DLGAP3: variants seen among roughly 807,000 people sequenced by gnomAD.
DLGAP3 encodes DLG associated protein 3.
Under a neutral mutation model 81.2 loss-of-function variants are expected in DLGAP3, and 17 were observed. That is an observed-to-expected ratio of 0.21 (90% confidence interval 0.14 to 0.31). DLGAP3 has a LOEUF of 0.31. Among genes scored for constraint, DLGAP3 ranks in the 10% least tolerant of loss-of-function variants. The probability of loss-of-function intolerance (pLI) is 1.00; values close to 1 mark genes in which losing one functional copy is unlikely to be tolerated. For missense variants in DLGAP3, 1,124 were observed against 1,388.0 expected (o/e 0.81, Z 3.02); for synonymous variants, 577 against 587.4 (o/e 0.98, Z 0.26).
chr1:34,869,202 A>G, intron 8 of DLGAP3, 113 bp from the exon 9 acceptor site: 1 of 743,168 alleles, frequency 1.3e-6, no homozygotes, highest in Admixed American at 2.8e-5. Context: ...AAAGTGATGG[A>G]CATTAACCTA....
At position 34,885,165 on chromosome 1, in the gene DLGAP3, G is replaced by A; in HGVS notation, c.1915-102C>T. 5.2e-6 allele frequency: 6 copies of A among 1,144,158 alleles called. No homozygotes were observed. In the South Asian group the frequency reaches 6.4e-5, roughly 12 times the overall value. 70.9% of individuals were successfully genotyped at this position (1,144,158 alleles called of 1,614,324 possible). ...GGCTGCGCCCCAAGCCAGCTGGCAG[G>A]TCCTGCAAAGACCATCTGCCTGAAC... On this transcript the variant is annotated intron_variant, in intron 7 of 11. Coordinates refer to ENST00000373347, the MANE Select transcript of DLGAP3 (RefSeq NM_001080418.3).
At position 34,905,428 on chromosome 1, in the gene DLGAP3, G is replaced by C. The variant is rs1312511092; in HGVS notation, c.-45C>G. 6.6e-7 allele frequency: 1 copy of C among 1,513,780 alleles called. No individual in the cohort carries two copies. Among genetic ancestry groups the C allele is most frequent in the African/African-American group, 1.4e-5 (1 of 71,190 alleles). The allele number at this position is 1,513,780 out of a possible 1,614,324, so 93.8% of individuals were successfully genotyped here. A position where few individuals can be genotyped will look rare whatever the true frequency, so the allele number is the denominator to read the frequency against. On this transcript the variant is annotated 5_prime_UTR_variant, in exon 3 of 12. Transcript: ENST00000373347. ...CATAGTCTTGGGGGCCAGGCCCCAG[G>C]AACCTCCTGGAAAAATAGGGAGAAA...
chr1:34,871,954 C>T (rs1185310834), intron 8 of DLGAP3, among the ~76,000 whole-genome samples: 1 of 152,166 alleles, frequency 6.6e-6, no homozygotes, highest in Non-Finnish European at 1.5e-5. Context: ...CACCAACGCT[C>T]CTGGCCAGCA....
At chr1:34,892,561 G>A (rs1639328056) in intron 5 of DLGAP3, among the ~76,000 whole-genome samples, 1 of 152,046 alleles carries the variant, frequency 6.6e-6, no homozygotes. Flanking sequence ...TCAGTGCAGT[G>A]GCTATTCACA....
At chr1:34,875,515 A>T (rs1366761692) in intron 8 of DLGAP3, among the ~76,000 whole-genome samples, 1 of 151,766 alleles carries the variant, frequency 6.6e-6, no homozygotes, top group Non-Finnish European at 1.5e-5. Flanking sequence ...TTTGCTGTTG[A>T]TGTTGTTGGT....
intron 8 of DLGAP3, among the ~76,000 whole-genome samples, chr1:34,878,599 G>A (rs1024406514): frequency 2.0e-5 from 3 of 152,022 alleles, no homozygotes; most frequent in African/African-American, 7.2e-5. Flanking sequence ...AAAGTTACCA[G>A]GGAAAATGAC....
At chr1:34,914,446 A>G in intron 1 of DLGAP3, among the ~76,000 whole-genome samples, 1 of 152,300 alleles carries the variant, frequency 6.6e-6, no homozygotes, top group South Asian at 2.1e-4. Flanking sequence ...TTCTAGGACC[A>G]GAACTCCTCT....
rs919444315 is a variant in DLGAP3, at chr1:34,905,159, T to A, written c.225A>T (p.Gly75=). ...LSEGPSVGPE[G]GPAGAGVGGG... is the part of the protein sequence containing the mutation. ...CCCCAACCCCGGCCCCCGCTGGCCC[T>A]CCCTCAGGGCCTACCGACGGCCCCT... Residue 75 remains glycine (G), a synonymous_variant, in exon 3 of 12, where the codon GGA becomes GGT. Coordinates refer to ENST00000373347, the MANE Select transcript of DLGAP3 (RefSeq NM_001080418.3). 3 of 1,572,580 alleles carry A rather than the reference T, an allele frequency of 1.9e-6. No individual in the cohort carries two copies. The highest frequency in any genetic ancestry group is 2.6e-6 in the Non-Finnish European group (3 of 1,158,810).
chr1:34,879,468 G>A (rs1042384648), intron 8 of DLGAP3, among the ~76,000 whole-genome samples: 10 of 152,200 alleles, frequency 6.6e-5, no homozygotes, highest in Non-Finnish European at 1.2e-4. Flanking sequence ...CGCACCTCCT[G>A]CTGTGCCGCC....
Position 34,905,157 on chromosome 1 carries a change from C to G in DLGAP3, c.227G>C (p.Gly76Ala), listed in dbSNP as rs1476890521. ...CCCCCCAACCCCGGCCCCCGCTGGC[C>G]CTCCCTCAGGGCCTACCGACGGCCC... ...SEGPSVGPEG[G>A]PAGAGVGGGS... Residue 76 changes from glycine to alanine, a missense_variant, in exon 3 of 12, where the codon GGG becomes GCG. This residue lies in a region of DLGAP3 where 167 missense variants were observed against 172.1 expected (regional missense o/e 0.97). Coordinates refer to ENST00000373347, the MANE Select transcript of DLGAP3 (RefSeq NM_001080418.3). 1 of 1,572,142 alleles carries G rather than the reference C, an allele frequency of 6.4e-7. No individual in the cohort carries two copies. The highest frequency in any genetic ancestry group is 1.2e-5 in the South Asian group (1 of 85,672).
intron 5 of DLGAP3, among the ~76,000 whole-genome samples, chr1:34,886,620 C>T (rs934153431): frequency 2.0e-4 from 31 of 151,826 alleles, no homozygotes; most frequent in Non-Finnish European, 2.9e-4. Context: ...TAGTCCCATC[C>T]CCTGACGTTT....
chr1:34,905,251 G>A lies in DLGAP3; in HGVS notation c.133C>T (p.Pro45Ser), dbSNP rs567109248. 5.7e-5 allele frequency: 91 copies of A among 1,592,862 alleles called. No homozygotes were observed. The highest frequency in any genetic ancestry group is 7.4e-5 in the Non-Finnish European group (87 of 1,170,238). Residue 45 changes from proline (P) to serine (S), a missense_variant, in exon 3 of 12, where the codon CCC becomes TCC. Coordinates refer to ENST00000373347, the MANE Select transcript of DLGAP3 (RefSeq NM_001080418.3). ...LGSREAFSTE[P>S]RFCAPRAGLG... The stretch of plus-strand genomic sequence containing the variant: ...CCAGCTCTCGGGGCACAGAAGCGGG[G>A]CTCGGTGGAGAAGGCCTCCCTGGAG...
chr1:34,866,127 C>T lies in DLGAP3; in HGVS notation c.2896G>A (p.Asp966Asn). ...TCGGGGATGTAGATCTCGATGCTGT[C>T]GGCGCTCTCGGTGGCCGAGCTGTGG... is the stretch of plus-strand genomic sequence containing the variant. The part of the protein sequence containing the change: ...FRHSSATESA[D>N]SIEIYIPEAQ... The change falls in exon 12 of 12, where the codon GAC (aspartate) becomes AAC (asparagine). Residue 966 changes from aspartate to asparagine, a missense_variant. Physicochemically the swap from Asp to Asn is conservative, Grantham distance 23. Transcript: ENST00000373347. 6.3e-7 allele frequency: 1 copy of T among 1,599,382 alleles called. No individual in the cohort carries two copies. The highest frequency in any genetic ancestry group is 8.5e-7 in the Non-Finnish European group (1 of 1,179,238).
chr1:34,908,008 T>C (rs1182507266), intron 1 of DLGAP3, among the ~76,000 whole-genome samples: 2 of 152,272 alleles, frequency 1.3e-5, no homozygotes, highest in African/African-American at 4.8e-5. Context: ...TTCTGTGCTC[T>C]TATTCTAGGT....
chr1:34,874,550 T>C (rs1249502368), intron 8 of DLGAP3, among the ~76,000 whole-genome samples: 1 of 152,218 alleles, frequency 6.6e-6, no homozygotes, highest in African/African-American at 2.4e-5. Flanking sequence ...AGCCTTTAAA[T>C]GTGGCTGCAG....
intron 8 of DLGAP3, among the ~76,000 whole-genome samples, chr1:34,871,951 G>A (rs762980764): frequency 6.6e-6 from 1 of 152,130 alleles, no homozygotes; most frequent in African/African-American, 2.4e-5. Context: ...CCTCACCAAC[G>A]CTCCTGGCCA....
chr1:34,928,833 C>A (rs1287598440), intron 1 of DLGAP3, among the ~76,000 whole-genome samples: 2 of 151,992 alleles, frequency 1.3e-5, no homozygotes. Context: ...CAGACACACA[C>A]AGGCACACAT....
At chr1:34,920,118 G>A (rs1261044028) in intron 1 of DLGAP3, among the ~76,000 whole-genome samples, 3 of 152,092 alleles carry the variant, frequency 2.0e-5, no homozygotes, top group South Asian at 2.1e-4. Context: ...TGAGCTCTCC[G>A]CAGCCATTCC....
intron 8 of DLGAP3, among the ~76,000 whole-genome samples, chr1:34,880,339 C>T (rs1639126503): frequency 6.6e-6 from 1 of 152,176 alleles, no homozygotes; most frequent in Non-Finnish European, 1.5e-5. Context: ...GTATGAGTTA[C>T]TAGGTCTAGC....
Sources: gnomAD v4.1 joint callset for allele counts (sites outside exome capture counted in the v4.1 genomes callset) on GRCh38, gnomAD v4.1.1 for gene constraint, gnomAD v4.1.1 regional missense constraint, MANE v1.5 for transcripts, NCBI Gene and HGNC (gene_info 2026-07-23, HGNC 2026-07-21) for gene names.